The following CCNY variants were observed in gnomAD, a reference collection of about 807,000 sequenced individuals.
The protein encoded by CCNY is cyclin-Y.
In CCNY, 19 loss-of-function variants were observed where a neutral mutation model predicts 42.8. The ratio of observed to expected loss-of-function variants is 0.44; its 90% CI spans 0.31 to 0.65. The LOEUF (loss-of-function observed/expected upper bound fraction) is 0.65, where lower values mean the gene tolerates loss of function less well. Ranked by LOEUF, CCNY falls within the 30% of genes least tolerant of loss-of-function variation. CCNY has a pLI of 0.07. For synonymous variants in CCNY, 165 were observed against 162.7 expected, an observed-to-expected ratio of 1.01 and a Z score of -0.11; for missense variants, 370 against 437.3, an observed-to-expected ratio of 0.85 and a Z score of 1.37.
chr10:35,546,459 G>A (rs1841117904), intron 7 of CCNY, among the ~76,000 whole-genome samples: 1 of 152,186 alleles, frequency 6.6e-6, no homozygotes, highest in Non-Finnish European at 1.5e-5. Flanking sequence ...ACTTAACTGA[G>A]TAAGAGTGAC....
chr10:35,482,751 TGTGTG>T (rs1374934091), intron 1 of CCNY, among the ~76,000 whole-genome samples: 1 of 42,742 alleles, frequency 2.3e-5, no homozygotes, highest in Non-Finnish European at 4.0e-5. Context: ...TGGAAATAGG[TGTGTG>T]TGTGTGTGTG....
intron 1 of CCNY, among the ~76,000 whole-genome samples, chr10:35,478,678 TA>T (rs1839580452): frequency 6.6e-6 from 1 of 152,110 alleles, no homozygotes; most frequent in Non-Finnish European, 1.5e-5. Context: ...TCTAAAACCA[TA>T]AAAACCCTAG....
chr10:35,455,104 C>A (rs907141018), intron 1 of CCNY, among the ~76,000 whole-genome samples: 1 of 152,130 alleles, frequency 6.6e-6, no homozygotes, highest in South Asian at 2.1e-4. Flanking sequence ...GAAATCAAAG[C>A]TAATAGCAGA....
At chr10:35,293,275 A>C (rs765794312) in intron 3 of CCNY, among the ~76,000 whole-genome samples, 1 of 152,204 alleles carries the variant, frequency 6.6e-6, no homozygotes, top group Non-Finnish European at 1.5e-5. Flanking sequence ...CTTGTCAAAA[A>C]TCAAGTCATC....
chr10:35,459,084 TG>T (rs1384142535), intron 1 of CCNY, among the ~76,000 whole-genome samples: 1 of 152,188 alleles, frequency 6.6e-6, no homozygotes, highest in Admixed American at 6.5e-5. Flanking sequence ...CGTCATATTT[TG>T]TAAAAAAGCT....
At chr10:35,562,182 A>G (rs948722217) in intron 8 of CCNY, among the ~76,000 whole-genome samples, 2 of 152,210 alleles carry the variant, frequency 1.3e-5, no homozygotes, top group Admixed American at 6.5e-5. Context: ...TGTGTAGACA[A>G]ATCCAAATAA....
At chr10:35,425,129 C>G (rs1838238789) in intron 1 of CCNY, among the ~76,000 whole-genome samples, 1 of 152,312 alleles carries the variant, frequency 6.6e-6, no homozygotes, top group Admixed American at 6.5e-5. Flanking sequence ...TGTTCCTCTG[C>G]CCCAGAAACT....
At chr10:35,442,815 G>A (rs1286440505) in intron 1 of CCNY, among the ~76,000 whole-genome samples, 1 of 152,142 alleles carries the variant, frequency 6.6e-6, no homozygotes, top group Non-Finnish European at 1.5e-5. Context: ...TCTAAGAAGT[G>A]CTTTCTGAGA....
chr10:35,357,102 TCCCGCATCAC>T (rs56141951), intron 1 of CCNY, among the ~76,000 whole-genome samples: 59,359 of 149,624 alleles, frequency 0.4, 12,101 homozygotes, highest in African/African-American at 0.5. Flanking sequence ...CTTTTGGGCA[TCCCGCATCAC>T]CCCGCATCAC....
chr10:35,289,127 C>T (rs1835384716), intron 3 of CCNY, among the ~76,000 whole-genome samples: 1 of 152,006 alleles, frequency 6.6e-6, no homozygotes, highest in African/African-American at 2.4e-5. Flanking sequence ...CTTGCACATA[C>T]ATTTGAATTG....
At chr10:35,512,605 T>A (rs1252803589) in intron 3 of CCNY, among the ~76,000 whole-genome samples, 1 of 151,772 alleles carries the variant, frequency 6.6e-6, no homozygotes, top group Non-Finnish European at 1.5e-5. Context: ...AGTGTGGAGG[T>A]TGAGCGAATT....
intron 1 of CCNY, chr10:35,347,333 C>A: frequency 2.6e-6 from 1 of 382,068 alleles, no homozygotes; most frequent in Non-Finnish European, 3.6e-6. Flanking sequence ...CACATCCGTG[C>A]CAGTTTGCTT....
At chr10:35,556,880 T>C (rs2034663226) in intron 8 of CCNY, among the ~76,000 whole-genome samples, 1 of 151,948 alleles carries the variant, frequency 6.6e-6, no homozygotes, top group South Asian at 2.1e-4. Flanking sequence ...AGTTTCATTG[T>C]TGTTGCCCAG....
At chr10:35,475,573 C>T (rs1023281435) in intron 1 of CCNY, among the ~76,000 whole-genome samples, 57 of 150,098 alleles carry the variant, frequency 3.8e-4, no homozygotes, top group African/African-American at 1.4e-3. Context: ...AAATCCTTTA[C>T]AGACAAGCAA....
At chr10:35,469,418 G>A (rs1449458521) in intron 1 of CCNY, among the ~76,000 whole-genome samples, 1 of 152,204 alleles carries the variant, frequency 6.6e-6, no homozygotes, top group Non-Finnish European at 1.5e-5. Flanking sequence ...CATTAAGATA[G>A]AAAATTAGAA....
At chr10:35,352,893 T>G (rs1836458927) in intron 1 of CCNY, among the ~76,000 whole-genome samples, 1 of 152,170 alleles carries the variant, frequency 6.6e-6, no homozygotes, top group Admixed American at 6.5e-5. Context: ...TTCTGAAAGA[T>G]CCAGGCTGGA....
chr10:35,249,794 A>G (rs2095710527), intron 2 of CCNY, among the ~76,000 whole-genome samples: 1 of 152,194 alleles, frequency 6.6e-6, no homozygotes, highest in South Asian at 2.1e-4. Context: ...TCACACCTGT[A>G]ATCCCAGCAC....
intron 3 of CCNY, among the ~76,000 whole-genome samples, chr10:35,317,318 T>G (rs530311322): frequency 6.6e-6 from 1 of 152,220 alleles, no homozygotes; most frequent in Non-Finnish European, 1.5e-5. Context: ...GATCACACTC[T>G]GCACCAGGTC....
At chr10:35,371,747 G>A (rs1289249153) in intron 1 of CCNY, among the ~76,000 whole-genome samples, 1 of 152,176 alleles carries the variant, frequency 6.6e-6, no homozygotes, top group Non-Finnish European at 1.5e-5. Flanking sequence ...TGAGGCACGG[G>A]GAGAAGCGAA....
Sources: allele counts gnomAD v4.1 joint callset (sites outside exome capture counted in the v4.1 genomes callset), GRCh38; gene constraint gnomAD v4.1.1; transcripts MANE v1.5; gene names NCBI Gene and HGNC (gene_info 2026-07-23, HGNC 2026-07-21).